Variants in ARIH2 observed in about 807,000 individuals in gnomAD.
ARIH2 encodes the protein ariadne RBR E3 ubiquitin protein ligase 2.
In ARIH2, 12 loss-of-function variants were observed where a neutral mutation model predicts 79.8. The ratio of observed to expected loss-of-function variants is 0.15; its 90% CI spans 0.10 to 0.24. ARIH2 has a LOEUF of 0.24. ARIH2 is among the 10% of genes least tolerant of loss of function. The pLI, the probability that ARIH2 is intolerant of heterozygous loss-of-function variation, is 1.00. For missense variants in ARIH2, 301 were observed against 618.3 expected (o/e 0.49, Z 5.44); for synonymous variants, 224 against 213.9 (o/e 1.05, Z -0.41).
intron 6 of ARIH2, 29 bp downstream of exon 6, chr3:48,967,304 C>T (rs369071804): frequency 3.1e-6 from 5 of 1,606,554 alleles, no homozygotes; most frequent in Non-Finnish European, 4.3e-6. Flanking sequence ...TTATAAAAAG[C>T]TGGCATGAAG....
At chr3:48,951,483 C>G (rs2089948738) in intron 3 of ARIH2, among the ~76,000 whole-genome samples, 1 of 151,958 alleles carries the variant, frequency 6.6e-6, no homozygotes, top group African/African-American at 2.4e-5. Flanking sequence ...AGAAATGTCC[C>G]TTTCTTCTCT....
At chr3:48,957,010 G>T (rs888075015) in intron 3 of ARIH2, among the ~76,000 whole-genome samples, 2 of 152,202 alleles carry the variant, frequency 1.3e-5, no homozygotes, top group African/African-American at 2.4e-5. Context: ...ACTGTGCCTG[G>T]CCTATCCTAT....
At chr3:48,945,199 T>C (rs1469301882) in intron 3 of ARIH2, 47 of 1,289,680 alleles carry the variant, frequency 3.6e-5, no homozygotes, top group Non-Finnish European at 4.7e-5. Flanking sequence ...TGGGAAGGGC[T>C]GGTGACAGTT....
chr3:48,962,271 G>C (rs1339336651), intron 4 of ARIH2, among the ~76,000 whole-genome samples: 2 of 151,936 alleles, frequency 1.3e-5, no homozygotes, highest in Non-Finnish European at 2.9e-5. Flanking sequence ...CAGCTACTCA[G>C]AAGGCTGAGG....
intron 15 of ARIH2, 109 bp from the exon 16 acceptor site, chr3:48,983,090 G>C: frequency 6.7e-7 from 1 of 1,503,082 alleles, no homozygotes; most frequent in East Asian, 2.3e-5. Context: ...AGAATGGGAA[G>C]GGCAGTGTTT....
At chr3:48,933,372 A>G (rs149368952) in intron 3 of ARIH2, among the ~76,000 whole-genome samples, 1,769 of 151,324 alleles carry the variant, frequency 0.012, 38 homozygotes, top group African/African-American at 0.041. Context: ...CATGTTACCC[A>G]GGCTGGTCTC....
intron 11 of ARIH2, among the ~76,000 whole-genome samples, chr3:48,979,051 A>T (rs1162045079): frequency 1.3e-5 from 2 of 152,196 alleles, no homozygotes; most frequent in Non-Finnish European, 2.9e-5. Context: ...CATATACAAA[A>T]ATCTTTCTAG....
intron 3 of ARIH2, among the ~76,000 whole-genome samples, chr3:48,943,942 G>C (rs892637381): frequency 6.6e-6 from 1 of 152,158 alleles, no homozygotes; most frequent in Non-Finnish European, 1.5e-5. Context: ...TGTGGCTGCA[G>C]GAATGGACAC....
At chr3:48,965,837 T>C (rs1376643841) in intron 5 of ARIH2, among the ~76,000 whole-genome samples, 1 of 152,096 alleles carries the variant, frequency 6.6e-6, no homozygotes, top group African/African-American at 2.4e-5. Context: ...GGCGCATGCC[T>C]GTAATCCTAG....
intron 3 of ARIH2, among the ~76,000 whole-genome samples, chr3:48,950,579 A>T (rs2089819460): frequency 6.6e-6 from 1 of 152,062 alleles, no homozygotes; most frequent in Non-Finnish European, 1.5e-5. Context: ...TGTGATTTTG[A>T]TTGGGATTTT....
At chr3:48,969,482 CTTT>C (rs2092037613) in intron 7 of ARIH2, among the ~76,000 whole-genome samples, 3 of 150,034 alleles carry the variant, frequency 2.0e-5, no homozygotes, top group African/African-American at 4.9e-5. Context: ...TTTTCTTTTT[CTTT>C]TTCTTCTTTT....
chr3:48,942,645 A>ATTTTT (rs745532484), intron 3 of ARIH2, among the ~76,000 whole-genome samples: 2 of 104,742 alleles, frequency 1.9e-5, no homozygotes, highest in African/African-American at 7.4e-5. Flanking sequence ...TGCCCGGCTA[A>ATTTTT]TTTTTTTTTT....
intron 3 of ARIH2, among the ~76,000 whole-genome samples, chr3:48,940,808 A>AAAAAT (rs759369585): frequency 0.034 from 3,343 of 97,942 alleles, 103 homozygotes; most frequent in Non-Finnish European, 0.047. Context: ...AAAAAAAAAA[A>AAAAAT]ATATATATAT....
intron 1 of ARIH2, among the ~76,000 whole-genome samples, chr3:48,920,304 A>T (rs1256263299): frequency 6.6e-6 from 1 of 151,706 alleles, no homozygotes; most frequent in Non-Finnish European, 1.5e-5. Context: ...TTTTTGAAAA[A>T]GTGCCCGGCC....
intron 3 of ARIH2, among the ~76,000 whole-genome samples, chr3:48,938,046 C>CAAA (rs5848862): frequency 0.012 from 1,233 of 105,434 alleles, 31 homozygotes; most frequent in East Asian, 0.025. Context: ...GACTCCGTCT[C>CAAA]AAAAAAAAAA....
At chr3:48,919,164 G>T (rs1576019568) in intron 1 of ARIH2, 166 bp downstream of exon 1, 1 of 1,300,262 alleles carries the variant, frequency 7.7e-7, no homozygotes, top group African/African-American at 1.5e-5. Flanking sequence ...CGCCGTCAGC[G>T]GCCGGGCGCC....
At chr3:48,974,180 G>A (rs976863000) in intron 9 of ARIH2, among the ~76,000 whole-genome samples, 5 of 152,180 alleles carry the variant, frequency 3.3e-5, no homozygotes, top group African/African-American at 1.2e-4. Context: ...GCCCAGACCT[G>A]CACGATACTC....
At chr3:48,961,024 G>T (rs2091190848) in intron 3 of ARIH2, among the ~76,000 whole-genome samples, 1 of 152,168 alleles carries the variant, frequency 6.6e-6, no homozygotes, top group African/African-American at 2.4e-5. Context: ...TGCTTTAAAT[G>T]TCCCCTGAGA....
chr3:48,970,694 G>A lies in ARIH2; in HGVS notation c.760G>A (p.Glu254Lys). 10 of 1,613,562 alleles carry A rather than the reference G, an allele frequency of 6.2e-6. No individual in the cohort carries two copies. The highest frequency in any genetic ancestry group is 8.5e-6 in the Non-Finnish European group (10 of 1,179,532). Residue 254 changes from glutamate (E) to lysine (K), a missense_variant, in exon 8 of 16, where the codon GAG becomes AAG. Glu to Lys is a moderately conservative substitution (Grantham distance 56). Coordinates refer to ENST00000356401, the MANE Select transcript of ARIH2 (RefSeq NM_006321.4). ...ARRVQCNRCN[E>K]VFCFKCRQMY... ...CCGAGTACAGTGCAATCGGTGCAAC[G>A]AGGTCTTCTGGTAAGAGTGAGTGTG...
Sources: gnomAD v4.1 joint callset for allele counts (sites outside exome capture counted in the v4.1 genomes callset) on GRCh38, gnomAD v4.1.1 for gene constraint, MANE v1.5 for transcripts, NCBI Gene and HGNC (gene_info 2026-07-23, HGNC 2026-07-21) for gene names.